Variants in CDH20 observed in about 807,000 individuals in gnomAD.
CDH20 encodes cadherin 20.
CDH20 carries 29 observed loss-of-function variants against 74.2 expected under a neutral mutation model. The observed-to-expected ratio is 0.39, with a 90% confidence interval of 0.29 to 0.53. The LOEUF (loss-of-function observed/expected upper bound fraction) is 0.53, where lower values mean the gene tolerates loss of function less well. Among genes scored for constraint, CDH20 ranks in the 20% least tolerant of loss-of-function variants. CDH20 has a pLI of 0.69. For synonymous variants in CDH20, 469 were observed against 405.4 expected (o/e 1.16, Z -1.88); for missense variants, 988 against 1,048.3 (o/e 0.94, Z 0.79).
chr18:61,499,548 G>A, intron 3 of CDH20, 68 bp downstream of exon 3: 15 of 880,610 alleles, frequency 1.7e-5, no homozygotes, highest in Non-Finnish European at 2.6e-5. Context: ...ACACACATAT[G>A]CACATGCACA....
rs1599024730 is a variant in CDH20 at position 61,341,433 on chromosome 18, G to GCT, written c.-153+7607_-153+7608insTC. 4.6e-5 allele frequency among the ~76,000 whole-genome samples: 7 copies of GCT among 151,346 alleles called. No homozygotes were observed. In the South Asian group the frequency reaches 6.2e-4, roughly 13 times the overall value. On this transcript the variant is annotated intron_variant, in intron 1 of 11. Coordinates refer to ENST00000262717, the MANE Select transcript of CDH20 (RefSeq NM_031891.4). ...AATGACTGCCTTGAGCCCCCCCCCC[G>GCT]CCTAATGCCGTTCCATTGTGGGTTA...
At chr18:61,454,845 T>A (rs1003302700) in intron 1 of CDH20, among the ~76,000 whole-genome samples, 4 of 152,192 alleles carry the variant, frequency 2.6e-5, no homozygotes, top group African/African-American at 9.7e-5. Flanking sequence ...GGTTTGTAGG[T>A]CCCCATTGTG....
intron 1 of CDH20, among the ~76,000 whole-genome samples, chr18:61,396,184 A>C (rs1217703678): frequency 6.6e-6 from 1 of 152,126 alleles, no homozygotes; most frequent in African/African-American, 2.4e-5. Context: ...GAGACTACAG[A>C]AGAGTGCTCT....
At chr18:61,500,615 G>C in intron 4 of CDH20, 113 bp downstream of exon 4, 1 of 1,116,760 alleles carries the variant, frequency 9.0e-7, no homozygotes, top group Non-Finnish European at 1.3e-6. Flanking sequence ...GTATTAACCA[G>C]AGAAGACTGC....
At chr18:61,491,680 T>C (rs1175696833) in intron 2 of CDH20, among the ~76,000 whole-genome samples, 1 of 152,130 alleles carries the variant, frequency 6.6e-6, no homozygotes, top group Non-Finnish European at 1.5e-5. Flanking sequence ...CCAAGTTCTT[T>C]CCCCAGTGTC....
intron 1 of CDH20, among the ~76,000 whole-genome samples, chr18:61,335,636 T>G (rs1055081249): frequency 1.3e-5 from 2 of 152,238 alleles, no homozygotes; most frequent in Non-Finnish European, 2.9e-5. Flanking sequence ...GCTTCTGATT[T>G]TCGCTCTCTG....
intron 7 of CDH20, 21 bp from the exon 8 acceptor site, chr18:61,536,472 A>G (rs1475328874): frequency 1.2e-6 from 2 of 1,611,094 alleles, no homozygotes; most frequent in African/African-American, 2.7e-5. Context: ...CAAATGATGT[A>G]CGTAATCCAT....
intron 1 of CDH20, among the ~76,000 whole-genome samples, chr18:61,396,459 T>C (rs1911981300): frequency 6.6e-6 from 1 of 152,222 alleles, no homozygotes; most frequent in South Asian, 2.1e-4. Context: ...CATTCTCTTA[T>C]ACTTTTTCAA....
intron 1 of CDH20, among the ~76,000 whole-genome samples, chr18:61,362,126 A>G (rs1319318295): frequency 6.6e-6 from 1 of 152,198 alleles, no homozygotes; most frequent in East Asian, 1.9e-4. Flanking sequence ...CGATTTTCCT[A>G]TCTTCCCATA....
intron 1 of CDH20, among the ~76,000 whole-genome samples, chr18:61,422,036 A>G (rs1912899090): frequency 6.6e-6 from 1 of 152,180 alleles, no homozygotes; most frequent in African/African-American, 2.4e-5. Flanking sequence ...ACTATCTAAA[A>G]TAACAAAAGA....
chr18:61,414,304 G>C (rs570892863), intron 1 of CDH20, among the ~76,000 whole-genome samples: 21 of 152,192 alleles, frequency 1.4e-4, no homozygotes, highest in African/African-American at 4.6e-4. Context: ...CATGCAGCTT[G>C]ATTCAGAAAC....
chr18:61,345,940 G>A (rs1910103144), intron 1 of CDH20, among the ~76,000 whole-genome samples: 1 of 152,176 alleles, frequency 6.6e-6, no homozygotes, highest in South Asian at 2.1e-4. Flanking sequence ...AGACCAGACG[G>A]ATCCTATGAG....
At chr18:61,476,886 A>T (rs1426099912) in intron 1 of CDH20, among the ~76,000 whole-genome samples, 1 of 152,224 alleles carries the variant, frequency 6.6e-6, no homozygotes, top group African/African-American at 2.4e-5. Flanking sequence ...GAACTTCCCA[A>T]GAAAAATTAA....
intron 1 of CDH20, among the ~76,000 whole-genome samples, chr18:61,370,281 C>T (rs141047663): frequency 6.6e-6 from 1 of 152,130 alleles, no homozygotes; most frequent in Non-Finnish European, 1.5e-5. Context: ...CTTACAAAGA[C>T]ACTATCCTAA....
chr18:61,444,427 A>G (rs1364055567), intron 1 of CDH20, among the ~76,000 whole-genome samples: 1 of 152,216 alleles, frequency 6.6e-6, no homozygotes, highest in Non-Finnish European at 1.5e-5. Flanking sequence ...GGGATGTTCA[A>G]TGGCTATTAA....
intron 1 of CDH20, among the ~76,000 whole-genome samples, chr18:61,459,549 A>T (rs1909696574): frequency 6.6e-6 from 1 of 152,120 alleles, no homozygotes; most frequent in South Asian, 2.1e-4. Flanking sequence ...AGTTGACCTA[A>T]ACTAGATGTT....
At chr18:61,489,758 A>G (rs994329269) in intron 1 of CDH20, among the ~76,000 whole-genome samples, 1 of 152,182 alleles carries the variant, frequency 6.6e-6, no homozygotes, top group African/African-American at 2.4e-5. Flanking sequence ...GAAAGGTCAC[A>G]TTAGCAGCCC....
chr18:61,554,808 G>A lies in CDH20; in HGVS notation c.*113G>A, dbSNP rs188170161. On this transcript the variant is annotated 3_prime_UTR_variant, in exon 12 of 12. Coordinates refer to ENST00000262717, the MANE Select transcript of CDH20 (RefSeq NM_031891.4). ...ACTGTGCTGGAGAGTGAGAATGGGG[G>A]TGAGCAGGCGAACAGAGCTCTCTCT... 2.0e-5 allele frequency: 29 copies of A among 1,434,402 alleles called. No individual in the cohort carries two copies. In the South Asian group the frequency reaches 3.2e-4, roughly 16 times the overall value. The allele number at this position is 1,434,402 out of a possible 1,614,324, so 88.9% of individuals were successfully genotyped here. A position where few individuals can be genotyped will look rare whatever the true frequency, so the allele number is the denominator to read the frequency against.
intron 4 of CDH20, 120 bp downstream of exon 4, chr18:61,500,622 C>G: frequency 9.7e-7 from 1 of 1,035,356 alleles, no homozygotes; most frequent in Non-Finnish European, 1.4e-6. Context: ...CCAGAGAAGA[C>G]TGCTCTTAGC....
Sources: gnomAD v4.1 joint callset for allele counts (sites outside exome capture counted in the v4.1 genomes callset) on GRCh38, gnomAD v4.1.1 for gene constraint, MANE v1.5 for transcripts, NCBI Gene and HGNC (gene_info 2026-07-23, HGNC 2026-07-21) for gene names.